The following INTS7 variants were observed in gnomAD, a reference collection of about 807,000 sequenced individuals.
INTS7 encodes integrator complex subunit 7, also known as chromosome 1 open reading frame 73.
In INTS7, 46 loss-of-function variants were observed where a neutral mutation model predicts 109.2. The observed-to-expected ratio is 0.42, with a 90% CI of 0.33 to 0.54. The LOEUF (loss-of-function observed/expected upper bound fraction) is 0.54. Among genes scored for constraint, INTS7 ranks in the 20% least tolerant of loss-of-function variants. INTS7 has a pLI of 0.07. For missense variants in INTS7, 929 were observed against 1,132.4 expected (o/e 0.82, Z 2.58); for synonymous variants, 412 against 402.9 (o/e 1.02, Z -0.27).
chr1:212,011,122 G>A (rs1169019285), intron 5 of INTS7, among the ~76,000 whole-genome samples: 1 of 152,248 alleles, frequency 6.6e-6, no homozygotes, highest in Non-Finnish European at 1.5e-5. Flanking sequence ...CATAGCACCA[G>A]AAATGTCATA....
intron 16 of INTS7, among the ~76,000 whole-genome samples, chr1:211,960,613 T>C (rs1273947528): frequency 1.3e-5 from 2 of 152,118 alleles, no homozygotes; most frequent in African/African-American, 2.4e-5. Context: ...AAAAAGAATG[T>C]AACCAACTTG....
Position 212,011,395 on chromosome 1 carries a change from T to C in INTS7, c.536A>G (p.Lys179Arg). 6.3e-7 allele frequency: 1 copy of C among 1,581,200 alleles called. No homozygotes were observed. The highest frequency in any genetic ancestry group is 1.1e-5 in the South Asian group (1 of 88,534). Residue 179 changes from lysine (K) to arginine (R), a missense_variant, in exon 5 of 20, where the codon AAA becomes AGA. This residue lies in a region of INTS7 where 142 missense variants were observed against 231.4 expected (regional missense o/e 0.61). Transcript: ENST00000366994. Reference protein sequence around the residue: ...SKDFAVGICNKISEMIQGLAT... With the variant: ...SKDFAVGICNRISEMIQGLAT... ...CATACCTTGAATCATTTCACTGATT[T>C]TGTTACAGATTCCTACAGCAAAATC...
rs1666628624 is a variant in INTS7 at position 212,020,156 on chromosome 1, T to C, written c.337A>G (p.Ser113Gly). 4 of 1,609,048 alleles carry C rather than the reference T, an allele frequency of 2.5e-6. No individual in the cohort carries two copies. Among genetic ancestry groups the C allele is most frequent in the Non-Finnish European group, 3.4e-6 (4 of 1,176,888 alleles). The change falls in exon 3 of 20, where the codon AGT (serine) becomes GGT (glycine). Residue 113 changes from serine (S) to glycine (G), a missense_variant. Physicochemically the swap from Ser to Gly is moderately conservative, Grantham distance 56. Coordinates refer to ENST00000366994, the MANE Select transcript of INTS7 (RefSeq NM_015434.4). ...ATGGCTCTTGCCACAGGATCATTAC[T>C]ATGAATCACAGAAAAAATTCTCTTC... ...FVKRIFSVIHSNDPVARAITL... is the reference protein window; with the variant it reads ...FVKRIFSVIHGNDPVARAITL...
At chr1:212,007,485 C>T in intron 5 of INTS7, 36 bp from the exon 6 acceptor site, 2 of 1,496,008 alleles carry the variant, frequency 1.3e-6, no homozygotes, top group Middle Eastern at 1.7e-4. Context: ...TATTTGTGAT[C>T]ACCATCCTTA....
At chr1:212,013,037 A>G (rs1666232787) in intron 4 of INTS7, among the ~76,000 whole-genome samples, 1 of 152,212 alleles carries the variant, frequency 6.6e-6, no homozygotes, top group South Asian at 2.1e-4. Context: ...CTAATCAATA[A>G]AAGTACAGTC....
intron 4 of INTS7, among the ~76,000 whole-genome samples, chr1:212,015,517 T>C (rs1666386584): frequency 6.6e-6 from 1 of 151,636 alleles, no homozygotes. Context: ...AGCATACTCG[T>C]TAAGAGTCAT....
intron 1 of INTS7, among the ~76,000 whole-genome samples, chr1:212,033,546 GGTT>G (rs1300721075): frequency 1.3e-5 from 2 of 152,038 alleles, no homozygotes; most frequent in African/African-American, 2.4e-5. Flanking sequence ...GAAAAATTGT[GGTT>G]TTTTTCTTAC....
chr1:212,014,141 G>A (rs1429357733), intron 4 of INTS7, among the ~76,000 whole-genome samples: 3 of 151,682 alleles, frequency 2.0e-5, no homozygotes, highest in African/African-American at 7.3e-5. Flanking sequence ...TTTTCAGTAA[G>A]AATTCCTGGA....
chr1:211,956,503 T>C (rs1250912094), intron 16 of INTS7, among the ~76,000 whole-genome samples: 1 of 152,246 alleles, frequency 6.6e-6, no homozygotes, highest in African/African-American at 2.4e-5. Flanking sequence ...AAATTTGTCC[T>C]GTTCACCTAA....
chr1:211,983,918 G>A (rs1337733473), intron 8 of INTS7, among the ~76,000 whole-genome samples: 1 of 151,890 alleles, frequency 6.6e-6, no homozygotes, highest in Non-Finnish European at 1.5e-5. Context: ...TGCGATCATG[G>A]CCTACTACAG....
At chr1:211,981,499 A>G (rs1426510908) in intron 9 of INTS7, among the ~76,000 whole-genome samples, 1 of 152,234 alleles carries the variant, frequency 6.6e-6, no homozygotes, top group Admixed American at 6.5e-5. Flanking sequence ...CAGCTTAGCT[A>G]AGGAAAATAC....
intron 5 of INTS7, among the ~76,000 whole-genome samples, chr1:212,009,952 CTTTAAT>C (rs1666092514): frequency 2.6e-5 from 4 of 152,196 alleles, no homozygotes; most frequent in Admixed American, 2.6e-4. Context: ...AGCAAGTTCT[CTTTAAT>C]TTTAATTTGA....
intron 14 of INTS7, among the ~76,000 whole-genome samples, 163 bp from the exon 15 acceptor site, chr1:211,968,144 A>T (rs1663992425): frequency 6.6e-6 from 1 of 152,248 alleles, no homozygotes; most frequent in Non-Finnish European, 1.5e-5. Flanking sequence ...TTTGTTAAAT[A>T]AAAACAAAAA....
At chr1:212,002,422 C>G (rs750586083) in intron 7 of INTS7, among the ~76,000 whole-genome samples, 1 of 152,202 alleles carries the variant, frequency 6.6e-6, no homozygotes, top group Non-Finnish European at 1.5e-5. Flanking sequence ...CAGAGGCAAT[C>G]TATCTCATGT....
intron 17 of INTS7, among the ~76,000 whole-genome samples, chr1:211,952,169 C>T (rs1663122852): frequency 6.6e-6 from 1 of 152,198 alleles, no homozygotes. Context: ...GCCTGGGCCA[C>T]AATTCCAGAA....
chr1:211,998,930 G>A (rs1270789407), intron 7 of INTS7, among the ~76,000 whole-genome samples: 2 of 152,150 alleles, frequency 1.3e-5, no homozygotes, highest in African/African-American at 4.8e-5. Context: ...TTAGGAAAGC[G>A]CAAAATAAAA....
At chr1:211,995,850 A>G (rs1665357912) in intron 7 of INTS7, among the ~76,000 whole-genome samples, 1 of 152,156 alleles carries the variant, frequency 6.6e-6, no homozygotes, top group South Asian at 2.1e-4. Flanking sequence ...AAGCAAGAAG[A>G]CAGAAAGTGG....
intron 1 of INTS7, chr1:212,031,014 C>T (rs1278901719): frequency 6.6e-6 from 1 of 152,258 alleles, no homozygotes; most frequent in East Asian, 1.9e-4. Context: ...CTAAATTTTT[C>T]ATTAAGCACA....
rs1020296806 is a variant in INTS7 at position 211,949,775 on chromosome 1, A to G, written c.2316+2794T>C. ...GTCCAAGCTCCCTTATACTGTGTTC[A>G]AAGCCTTTTGTCACCTGGCCACTGG... On this transcript the variant is annotated intron_variant, in intron 17 of 19. Transcript: ENST00000366994. Among the ~76,000 whole-genome samples, 7 of 152,330 alleles carry G rather than the reference A, an allele frequency of 4.6e-5. No homozygotes were observed. The East Asian group carries it at 5.8e-4, about 13-fold the overall frequency.
Sources: gnomAD v4.1 joint callset for allele counts (sites outside exome capture counted in the v4.1 genomes callset) on GRCh38, gnomAD v4.1.1 for gene constraint, gnomAD v4.1.1 regional missense constraint, MANE v1.5 for transcripts, NCBI Gene and HGNC (gene_info 2026-07-23, HGNC 2026-07-21) for gene names.